The following WASF3 variants were observed in gnomAD, a reference collection of about 807,000 sequenced individuals.
WASF3 encodes actin-binding protein WASF3.
A neutral mutation model predicts 46.6 loss-of-function variants in WASF3; 11 were observed. That is an observed-to-expected ratio of 0.24 (90% CI 0.15 to 0.39). WASF3 has a LOEUF of 0.39. Among genes scored for constraint, WASF3 ranks in the 10% least tolerant of loss-of-function variants. The probability of loss-of-function intolerance (pLI) is 1.00; values close to 1 mark genes in which losing one functional copy is unlikely to be tolerated. For synonymous variants in WASF3, 242 were observed against 259.7 expected, an observed-to-expected ratio of 0.93 and a Z score of 0.65; for missense variants, 576 against 669.8, an observed-to-expected ratio of 0.86 and a Z score of 1.55.
the WASF3 span, among the ~76,000 whole-genome samples, chr13:26,543,759 T>C: frequency 6.6e-6 from 1 of 152,212 alleles, no homozygotes; most frequent in African/African-American, 2.4e-5. Context: ...TTCAGAAAGA[T>C]TGTGGGGCAC....
chr13:26,605,844 A>C (rs1324283770), intron 1 of WASF3, among the ~76,000 whole-genome samples: 1 of 152,196 alleles, frequency 6.6e-6, no homozygotes, highest in Non-Finnish European at 1.5e-5. Context: ...TGTTGTGGTA[A>C]TGAATAACTA....
At chr13:26,569,631 A>G (rs7981040) in intron 1 of WASF3, among the ~76,000 whole-genome samples, 125,146 of 152,104 alleles carry the variant, frequency 0.82, 51,517 homozygotes, top group East Asian at 0.9. Context: ...AAAATACTCA[A>G]TGATGTGAAC....
intron 2 of WASF3, among the ~76,000 whole-genome samples, chr13:26,634,948 T>C (rs1480848852): frequency 6.6e-6 from 1 of 152,214 alleles, no homozygotes. Context: ...CCTTGGTGAA[T>C]CTGACAATTA....
chr13:26,663,094 A>G (rs780426625), intron 3 of WASF3, among the ~76,000 whole-genome samples: 11 of 152,184 alleles, frequency 7.2e-5, no homozygotes, highest in Admixed American at 5.2e-4. Context: ...GTGGGTGTAG[A>G]AGGGACAAGA....
At chr13:26,601,152 G>A (rs2137202106) in intron 1 of WASF3, among the ~76,000 whole-genome samples, 1 of 152,304 alleles carries the variant, frequency 6.6e-6, no homozygotes, top group Non-Finnish European at 1.5e-5. Context: ...TAAGCAGATT[G>A]ATAAAAATGG....
rs1382831366 is a variant in WASF3 at position 26,686,091 on chromosome 13, A to G, written c.*246A>G. 1.1e-5 allele frequency: 5 copies of G among 468,194 alleles called. No homozygotes were observed. The highest frequency in any genetic ancestry group is 5.8e-5 in the African/African-American group (3 of 51,888). 29.0% of individuals were successfully genotyped at this position (468,194 alleles called of 1,614,324 possible). A position where few individuals can be genotyped will look rare whatever the true frequency, so the allele number is the denominator to read the frequency against. ...GCTGTCACTATCACATTGTCCTGAA[A>G]ACAGCATCTGCTTTCCTCTTGGCCA... is the stretch of plus-strand genomic sequence containing the variant. On this transcript the variant is annotated 3_prime_UTR_variant, in exon 10 of 10. Transcript: ENST00000335327.
rs115494132 is a variant in WASF3, at chr13:26,605,485, G to C, written c.-108-7476G>C. 6.8e-3 allele frequency among the ~76,000 whole-genome samples: 1,030 copies of C among 152,000 alleles called. 13 individuals carry two copies. The highest frequency in any genetic ancestry group is 0.023 in the African/African-American group (957 of 41,312). On this transcript the variant is annotated intron_variant, in intron 1 of 9. Coordinates refer to ENST00000335327, the MANE Select transcript of WASF3 (RefSeq NM_006646.6). ...AGCTTTTCTAGTTGAAGTAGATTAG[G>C]AAGATGCATTTTTTTTTAAACCTCT...
intron 1 of WASF3, among the ~76,000 whole-genome samples, chr13:26,597,072 C>G (rs968931868): frequency 5.3e-5 from 8 of 152,112 alleles, no homozygotes; most frequent in Non-Finnish European, 1.2e-4. Context: ...TATGGATGTA[C>G]CCTCTGTTGA....
rs889250735 is a variant in WASF3 at position 26,608,041 on chromosome 13, A to AC, written c.-108-4913dup. Reference sequence around the variant, plus strand: ...AGTCCGAAATAATGTACCCCTCCCCACCCCCCCGTCCCCCTTAAACTGTGT... The same window carrying AC: ...AGTCCGAAATAATGTACCCCTCCCCACCCCCCCCGTCCCCCTTAAACTGTGT... On this transcript the variant is annotated intron_variant, in intron 1 of 9. Coordinates refer to ENST00000335327, the MANE Select transcript of WASF3 (RefSeq NM_006646.6). 8.6e-3 allele frequency among the ~76,000 whole-genome samples: 411 copies of AC among 47,792 alleles called. 2 individuals carry two copies. The highest frequency in any genetic ancestry group is 0.025 in the African/African-American group (352 of 13,948). The allele number at this position is 47,792 out of a possible 152,430, so 31.4% of individuals were successfully genotyped here.
At chr13:26,610,262 T>G (rs1356191892) in intron 1 of WASF3, among the ~76,000 whole-genome samples, 1 of 152,208 alleles carries the variant, frequency 6.6e-6, no homozygotes, top group East Asian at 1.9e-4. Flanking sequence ...TGGCTTAAAT[T>G]CAGTGACCAG....
At chr13:26,599,251 C>T (rs1296404365) in intron 1 of WASF3, among the ~76,000 whole-genome samples, 1 of 140,710 alleles carries the variant, frequency 7.1e-6, no homozygotes, top group African/African-American at 2.6e-5. Context: ...TGGCTGATCT[C>T]GACTCACAGC....
the WASF3 span, among the ~76,000 whole-genome samples, chr13:26,552,311 G>A: frequency 1.3e-5 from 2 of 152,170 alleles, no homozygotes; most frequent in South Asian, 2.1e-4. Flanking sequence ...CTCAACAAAT[G>A]TTTGTTATTT....
chr13:26,554,190 G>A (rs1042034911), upstream of WASF3, among the ~76,000 whole-genome samples: 5 of 149,916 alleles, frequency 3.3e-5, no homozygotes, highest in East Asian at 1.0e-3. Context: ...GCAATGGTGT[G>A]AGCACAGCTC....
intron 8 of WASF3, among the ~76,000 whole-genome samples, chr13:26,681,572 A>G (rs1415152401): frequency 6.6e-6 from 1 of 152,134 alleles, no homozygotes; most frequent in Non-Finnish European, 1.5e-5. Flanking sequence ...GGGTGTTTGA[A>G]TGGCTCTTTA....
upstream of WASF3, among the ~76,000 whole-genome samples, chr13:26,556,667 T>G (rs980739577): frequency 6.6e-6 from 1 of 152,258 alleles, no homozygotes; most frequent in Non-Finnish European, 1.5e-5. Flanking sequence ...CAAACTTTGG[T>G]GAAATTATTA....
At chr13:26,626,063 A>T (rs1881454688) in intron 2 of WASF3, 1 of 152,216 alleles carries the variant, frequency 6.6e-6, no homozygotes. Context: ...TTGTTAAAGC[A>T]TGGTAAAGAC....
intron 2 of WASF3, among the ~76,000 whole-genome samples, chr13:26,622,950 G>A (rs750619347): frequency 6.6e-6 from 1 of 152,112 alleles, no homozygotes; most frequent in East Asian, 1.9e-4. Flanking sequence ...AACAAAAAAG[G>A]CCAGATTATC....
rs1215720334 is a variant in WASF3 at position 26,687,558 on chromosome 13, C to CT, written c.*1714dup. 7.2e-5 allele frequency: 11 copies of CT among 152,294 alleles called. No individual in the cohort carries two copies. Among genetic ancestry groups the CT allele is most frequent in the African/African-American group, 2.7e-4 (11 of 41,414 alleles). 9.4% of individuals were successfully genotyped at this position (152,294 alleles called of 1,614,324 possible). A position where few individuals can be genotyped will look rare whatever the true frequency, so the allele number is the denominator to read the frequency against. ...TCATGTCTGCATCCCCTTTCCAAGG[C>CT]TGCTTCCCTGGTGTGTCTGTTCTCT... On this transcript the variant is annotated 3_prime_UTR_variant, in exon 10 of 10. Coordinates refer to ENST00000335327, the MANE Select transcript of WASF3 (RefSeq NM_006646.6).
chr13:26,670,054 C>T (rs781362203), intron 5 of WASF3, among the ~76,000 whole-genome samples: 3 of 152,168 alleles, frequency 2.0e-5, no homozygotes, highest in Non-Finnish European at 4.4e-5. Context: ...GACACATGCA[C>T]ACGTATGTTT....
Sources: allele counts gnomAD v4.1 joint callset (sites outside exome capture counted in the v4.1 genomes callset), GRCh38; gene constraint gnomAD v4.1.1; transcripts MANE v1.5; gene names NCBI Gene and HGNC (gene_info 2026-07-23, HGNC 2026-07-21).